ASTN2: variants seen among roughly 807,000 people sequenced by gnomAD.
ASTN2 encodes the protein astrotactin 2.
Under a neutral mutation model 139.8 loss-of-function variants are expected in ASTN2, and 54 were observed. The observed-to-expected ratio is 0.39, with a 90% CI of 0.31 to 0.48. The LOEUF (loss-of-function observed/expected upper bound fraction) is 0.48, where lower values mean the gene tolerates loss of function less well. Among genes scored for constraint, ASTN2 ranks in the 20% least tolerant of loss-of-function variants. The probability of loss-of-function intolerance (pLI) is 0.95; values close to 1 mark genes in which losing one functional copy is unlikely to be tolerated. For synonymous variants in ASTN2, 756 were observed against 719.5 expected, an observed-to-expected ratio of 1.05 and a Z score of -0.81; for missense variants, 1,565 against 1,725.1, an observed-to-expected ratio of 0.91 and a Z score of 1.64.
At chr9:116,899,703 G>A (rs1833960873) in intron 10 of ASTN2, among the ~76,000 whole-genome samples, 1 of 152,108 alleles carries the variant, frequency 6.6e-6, no homozygotes, top group Admixed American at 6.6e-5. Flanking sequence ...ACCCATCCTT[G>A]CTTGGAGACC....
intron 17 of ASTN2, among the ~76,000 whole-genome samples, chr9:116,642,143 A>AAT (rs1362672261): frequency 6.8e-6 from 1 of 147,268 alleles, no homozygotes; most frequent in African/African-American, 2.6e-5. Flanking sequence ...AAAAAAAAAA[A>AAT]AACAAAAAAA....
chr9:116,708,030 C>A (rs1217161764), intron 16 of ASTN2, among the ~76,000 whole-genome samples: 1 of 152,150 alleles, frequency 6.6e-6, no homozygotes, highest in African/African-American at 2.4e-5. Context: ...TGAATTAAGT[C>A]TTTGGCACTT....
chr9:116,851,384 G>A (rs2132322366), intron 11 of ASTN2, among the ~76,000 whole-genome samples: 1 of 152,184 alleles, frequency 6.6e-6, no homozygotes, highest in Non-Finnish European at 1.5e-5. Flanking sequence ...TGATGGTTTA[G>A]GTGAGAATTG....
At chr9:116,801,426 C>CA (rs199734121) in intron 13 of ASTN2, among the ~76,000 whole-genome samples, 2,558 of 151,108 alleles carry the variant, frequency 0.017, 45 homozygotes, top group South Asian at 0.064. Context: ...ACTAAAAATA[C>CA]AAAAAATTAG....
intron 1 of ASTN2, among the ~76,000 whole-genome samples, chr9:117,396,778 C>G (rs1830687712): frequency 6.6e-6 from 1 of 151,854 alleles, no homozygotes; most frequent in Non-Finnish European, 1.5e-5. Flanking sequence ...GTTGGCAAAG[C>G]TGGTCTCAAG....
intron 5 of ASTN2, among the ~76,000 whole-genome samples, chr9:117,090,645 G>A (rs1828682813): frequency 6.6e-6 from 1 of 152,166 alleles, no homozygotes; most frequent in Admixed American, 6.5e-5. Flanking sequence ...CTTTGGGTAA[G>A]ACCCAGCACC....
At chr9:116,689,939 A>G (rs753319373) in intron 16 of ASTN2, among the ~76,000 whole-genome samples, 1 of 152,164 alleles carries the variant, frequency 6.6e-6, no homozygotes, top group African/African-American at 2.4e-5. Context: ...GAGAGTAACT[A>G]CTGTTCTGTA....
At chr9:116,946,940 A>AAAAAAAAAAACAAAACAAAC (rs1172882579) in intron 10 of ASTN2, among the ~76,000 whole-genome samples, 10 of 151,382 alleles carry the variant, frequency 6.6e-5, no homozygotes, top group African/African-American at 2.2e-4. Flanking sequence ...TTTTGTCAAA[A>AAAAAAAAAAACAAAACAAAC]AAAAAAAAAA....
intron 3 of ASTN2, among the ~76,000 whole-genome samples, chr9:117,180,242 C>T (rs1214693207): frequency 1.3e-5 from 2 of 152,194 alleles, no homozygotes; most frequent in Admixed American, 6.5e-5. Context: ...CAGTGGCTCC[C>T]TGGGGCCTCC....
chr9:116,476,431 G>A (rs965912776), intron 20 of ASTN2, among the ~76,000 whole-genome samples: 2 of 152,116 alleles, frequency 1.3e-5, no homozygotes, highest in East Asian at 1.9e-4. Flanking sequence ...GACTTGCAGC[G>A]GAGGGTTCCC....
At chr9:116,491,441 G>T (rs1264375333) in intron 19 of ASTN2, among the ~76,000 whole-genome samples, 1 of 152,108 alleles carries the variant, frequency 6.6e-6, no homozygotes, top group Non-Finnish European at 1.5e-5. Flanking sequence ...GATAGTATTA[G>T]AAAGGGAGGT....
Position 116,425,987 on chromosome 9 carries a change from T to C in ASTN2, c.3884A>G (p.Tyr1295Cys), listed in dbSNP as rs750669513. 7 of 1,614,142 alleles carry C rather than the reference T, an allele frequency of 4.3e-6. No individual in the cohort carries two copies. In the East Asian group the frequency reaches 6.7e-5, roughly 15 times the overall value. The change falls in exon 23 of 23, where the codon TAT (tyrosine) becomes TGT (cysteine). Residue 1295 changes from tyrosine (Y) to cysteine (C), a missense_variant. Physicochemically the swap from Tyr to Cys is radical, Grantham distance 194. This residue lies in a region of ASTN2 where 418 missense variants were observed against 465.8 expected (regional missense o/e 0.90). Coordinates refer to ENST00000313400, the MANE Select transcript of ASTN2 (RefSeq NM_001365068.1). ...YIQSRVETVP[Y>C]LFCRSEEVRP... ...GACCTCCTCGCTGCGGCAGAAAAGATAGGGCACTGTTTCCACGCGGCTCTG... is the reference window on the plus strand; with the variant it reads ...GACCTCCTCGCTGCGGCAGAAAAGACAGGGCACTGTTTCCACGCGGCTCTG...
chr9:116,445,906 G>T (rs531878167), intron 20 of ASTN2, among the ~76,000 whole-genome samples: 2 of 152,168 alleles, frequency 1.3e-5, no homozygotes, highest in East Asian at 3.9e-4. Context: ...AACCCTGCTG[G>T]GGGGTGGAGA....
intron 1 of ASTN2, among the ~76,000 whole-genome samples, chr9:117,305,692 G>T (rs1308730942): frequency 6.6e-6 from 1 of 152,220 alleles, no homozygotes; most frequent in East Asian, 1.9e-4. Context: ...CTGGTAAAAT[G>T]TAACCACTTA....
chr9:116,553,954 T>A (rs1055020947), intron 19 of ASTN2, among the ~76,000 whole-genome samples: 1 of 152,204 alleles, frequency 6.6e-6, no homozygotes, highest in Non-Finnish European at 1.5e-5. Flanking sequence ...TCAGTGAGCA[T>A]TGAACGAATG....
intron 5 of ASTN2, among the ~76,000 whole-genome samples, chr9:117,061,301 C>T (rs1027101638): frequency 1.4e-5 from 2 of 146,248 alleles, no homozygotes; most frequent in Admixed American, 1.4e-4. Flanking sequence ...TTCACTTTAC[C>T]ATTCTTATCC....
At chr9:117,142,495 T>A (rs970332030) in intron 3 of ASTN2, among the ~76,000 whole-genome samples, 10 of 152,162 alleles carry the variant, frequency 6.6e-5, no homozygotes, top group African/African-American at 2.4e-4. Context: ...CAAAACACAA[T>A]ATATGTCTTA....
intron 10 of ASTN2, among the ~76,000 whole-genome samples, chr9:116,871,951 A>T (rs757050321): frequency 1.3e-5 from 2 of 152,156 alleles, no homozygotes; most frequent in Non-Finnish European, 2.9e-5. Flanking sequence ...AGCTTCACTC[A>T]GTATGAGACC....
At chr9:116,875,467 T>A (rs1833270427) in intron 10 of ASTN2, among the ~76,000 whole-genome samples, 1 of 152,186 alleles carries the variant, frequency 6.6e-6, no homozygotes, top group South Asian at 2.1e-4. Flanking sequence ...GCCATCTCTG[T>A]ATCATAAAAG....
Sources: allele counts gnomAD v4.1 joint callset (sites outside exome capture counted in the v4.1 genomes callset), GRCh38; gene constraint gnomAD v4.1.1; regional missense constraint gnomAD v4.1.1; transcripts MANE v1.5; gene names NCBI Gene and HGNC (gene_info 2026-07-23, HGNC 2026-07-21).